PDE10A: variants seen among roughly 807,000 people sequenced by gnomAD.
The protein encoded by PDE10A is phosphodiesterase 10A.
A neutral mutation model predicts 97.7 loss-of-function variants in PDE10A; 39 were observed. The ratio of observed to expected loss-of-function variants is 0.40; its 90% CI spans 0.31 to 0.52. PDE10A has a LOEUF of 0.52. Ranked by LOEUF, PDE10A falls within the 20% of genes least tolerant of loss-of-function variation. The pLI is 0.56. For synonymous variants in PDE10A, 371 were observed against 376.8 expected, an observed-to-expected ratio of 0.98 and a Z score of 0.18; for missense variants, 731 against 1,047.8, an observed-to-expected ratio of 0.70 and a Z score of 4.17.
intron 1 of PDE10A, among the ~76,000 whole-genome samples, chr6:165,767,163 C>T (rs974680602): frequency 6.6e-6 from 1 of 152,068 alleles, no homozygotes; most frequent in African/African-American, 2.4e-5. Context: ...GCCTTAAGTT[C>T]CCTAAAAGAC....
chr6:165,835,117 G>C (rs1233237149), intron 1 of PDE10A, among the ~76,000 whole-genome samples: 1 of 152,168 alleles, frequency 6.6e-6, no homozygotes, highest in Non-Finnish European at 1.5e-5. Flanking sequence ...AGAGAGGTGG[G>C]GAAGGGCCGT....
At chr6:165,575,720 T>A (rs977175129) in intron 1 of PDE10A, among the ~76,000 whole-genome samples, 2 of 152,238 alleles carry the variant, frequency 1.3e-5, no homozygotes, top group African/African-American at 4.8e-5. Context: ...CTTATTTTAA[T>A]GTCCTTAATT....
At chr6:165,577,655 G>A (rs985971777) in intron 1 of PDE10A, among the ~76,000 whole-genome samples, 4 of 152,142 alleles carry the variant, frequency 2.6e-5, no homozygotes, top group Non-Finnish European at 4.4e-5. Context: ...CACGTGGGCC[G>A]CCTGCTATGA....
At chr6:165,835,851 A>C (rs1780050923) in intron 1 of PDE10A, among the ~76,000 whole-genome samples, 1 of 152,156 alleles carries the variant, frequency 6.6e-6, no homozygotes, top group African/African-American at 2.4e-5. Flanking sequence ...AGGCAGAGTA[A>C]GTTGAGCCAC....
chr6:165,439,345 C>T (rs1790267609), intron 5 of PDE10A, among the ~76,000 whole-genome samples: 1 of 152,154 alleles, frequency 6.6e-6, no homozygotes, highest in South Asian at 2.1e-4. Flanking sequence ...GGACAAGCAT[C>T]TTTTAGAGGC....
chr6:165,733,770 C>G (rs2128451593), intron 1 of PDE10A, among the ~76,000 whole-genome samples: 1 of 152,240 alleles, frequency 6.6e-6, no homozygotes, highest in South Asian at 2.1e-4. Flanking sequence ...TAATGCACCC[C>G]ACAATCTCTT....
rs1334863848 is a variant in PDE10A at position 165,431,294 on chromosome 6, T to C, written c.1542+128A>G. 7.6e-6 allele frequency: 4 copies of C among 523,658 alleles called. No homozygotes were observed. The East Asian group carries it at 1.3e-4, about 17-fold the overall frequency. The allele number at this position is 523,658 out of a possible 1,614,324, so 32.4% of individuals were successfully genotyped here. A position where few individuals can be genotyped will look rare whatever the true frequency, so the allele number is the denominator to read the frequency against. ...CTGATTAAGTTAAAATTTCTAGAAA[T>C]AACAGAAAATTGTAATATCCCAAAA... On this transcript the variant is annotated intron_variant, in intron 8 of 21. Coordinates refer to ENST00000539869, the MANE Select transcript of PDE10A (RefSeq NM_001385079.1).
At chr6:165,839,723 A>G (rs542524691) in intron 1 of PDE10A, among the ~76,000 whole-genome samples, 84 of 11,694 alleles carry the variant, frequency 7.2e-3, no homozygotes, top group African/African-American at 0.024. Context: ...CCTCATCTCC[A>G]TCTCAAACCT....
intron 13 of PDE10A, among the ~76,000 whole-genome samples, chr6:165,410,257 C>A: frequency 6.6e-6 from 1 of 152,266 alleles, no homozygotes; most frequent in Admixed American, 6.5e-5. Flanking sequence ...TCAGTAAATT[C>A]TCAACTGATA....
intron 18 of PDE10A, among the ~76,000 whole-genome samples, chr6:165,375,071 C>T (rs556471262): frequency 6.6e-6 from 1 of 152,218 alleles, no homozygotes; most frequent in East Asian, 1.9e-4. Context: ...CCTCCCTGTC[C>T]TTGAACATCC....
intron 1 of PDE10A, among the ~76,000 whole-genome samples, chr6:165,905,432 C>G (rs1014941001): frequency 2.4e-4 from 37 of 152,196 alleles, no homozygotes; most frequent in South Asian, 8.3e-4. Flanking sequence ...ATTCATCTTT[C>G]TTTAATAATC....
At chr6:165,612,169 A>G (rs1038336940) in intron 1 of PDE10A, among the ~76,000 whole-genome samples, 3 of 152,244 alleles carry the variant, frequency 2.0e-5, no homozygotes, top group African/African-American at 7.2e-5. Context: ...TATTGCTCAG[A>G]GAATAAGAGA....
upstream of PDE10A, among the ~76,000 whole-genome samples, chr6:165,666,827 C>T (rs1258945737): frequency 2.0e-5 from 3 of 152,154 alleles, no homozygotes; most frequent in Non-Finnish European, 2.9e-5. Context: ...AGTTAATGCG[C>T]ATGTAATTTG....
chr6:165,856,239 G>C (rs1780728716), intron 1 of PDE10A, among the ~76,000 whole-genome samples: 1 of 152,166 alleles, frequency 6.6e-6, no homozygotes, highest in Admixed American at 6.5e-5. Context: ...AAGCTCCCAG[G>C]TATTTCTGTA....
Position 165,330,404 on chromosome 6 carries a change from T to C in PDE10A, c.*2621A>G, listed in dbSNP as rs550712146. ...ATCTGACAAAATACAAAAATACTCC[T>C]AACTGCATGTTTTCCAAAACAAATC... is the stretch of plus-strand genomic sequence containing the variant. On this transcript the variant is annotated 3_prime_UTR_variant, in exon 22 of 22. Coordinates refer to ENST00000539869, the MANE Select transcript of PDE10A (RefSeq NM_001385079.1). 1 of 152,308 alleles carries C rather than the reference T, an allele frequency of 6.6e-6. No individual in the cohort carries two copies. Among genetic ancestry groups the C allele is most frequent in the African/African-American group, 2.4e-5 (1 of 41,590 alleles). The allele number at this position is 152,308 out of a possible 1,614,324, so 9.4% of individuals were successfully genotyped here.
At chr6:165,769,918 G>A (rs776696577) in intron 1 of PDE10A, among the ~76,000 whole-genome samples, 11 of 152,078 alleles carry the variant, frequency 7.2e-5, no homozygotes, top group African/African-American at 1.2e-4. Context: ...TTAGATATAA[G>A]TACCTTATAG....
chr6:165,691,591 G>GCACACACACA (rs965998795), intron 1 of PDE10A, among the ~76,000 whole-genome samples: 483 of 51,642 alleles, frequency 9.4e-3, no homozygotes, highest in Middle Eastern at 0.024. Flanking sequence ...GCACGCGCGC[G>GCACACACACA]CACACACACA....
intron 1 of PDE10A, among the ~76,000 whole-genome samples, chr6:165,836,065 T>C (rs954286654): frequency 6.6e-6 from 1 of 152,208 alleles, no homozygotes; most frequent in African/African-American, 2.4e-5. Flanking sequence ...TAAAACGCTT[T>C]CGCTGTTTTC....
Position 165,329,827 on chromosome 6 carries a change from G to C in PDE10A, c.*3198C>G, listed in dbSNP as rs1364594528. 6.6e-6 allele frequency: 1 copy of C among 152,130 alleles called. No homozygotes were observed. Among genetic ancestry groups the C allele is most frequent in the Non-Finnish European group, 1.5e-5 (1 of 68,014 alleles). 9.4% of individuals were successfully genotyped at this position (152,130 alleles called of 1,614,324 possible). A position where few individuals can be genotyped will look rare whatever the true frequency, so the allele number is the denominator to read the frequency against. On this transcript the variant is annotated 3_prime_UTR_variant, in exon 22 of 22. Coordinates refer to ENST00000539869, the MANE Select transcript of PDE10A (RefSeq NM_001385079.1). ...CTTTTCCATTGAAGAGTCAGGAATG[G>C]GAACGATTGTGTCTAATATTTTGGT... is the stretch of plus-strand genomic sequence containing the variant.
Sources: gnomAD v4.1 joint callset for allele counts (sites outside exome capture counted in the v4.1 genomes callset) on GRCh38, gnomAD v4.1.1 for gene constraint, MANE v1.5 for transcripts, NCBI Gene and HGNC (gene_info 2026-07-23, HGNC 2026-07-21) for gene names.